PRR14L: variants seen among roughly 807,000 people sequenced by gnomAD.
The protein encoded by PRR14L is protein PRR14L.
PRR14L carries 80 observed loss-of-function variants against 155.0 expected under a neutral mutation model. That is an observed-to-expected ratio of 0.52 (90% CI 0.43 to 0.62). PRR14L has a LOEUF of 0.62. PRR14L is among the 20% of genes least tolerant of loss of function. PRR14L has a pLI of 0.00. For missense variants in PRR14L, 2,469 were observed against 2,548.0 expected (o/e 0.97, Z 0.67); for synonymous variants, 883 against 916.0 (o/e 0.96, Z 0.65).
rs373937383 is a variant in PRR14L, at chr22:31,685,240, A to G, written c.*287T>C. ...TGCTGCTTCCTCCTGTGGATGGCAGAGACTGAGGAGGTGGCTGGATGTCGT... is the reference window on the plus strand; with the variant it reads ...TGCTGCTTCCTCCTGTGGATGGCAGGGACTGAGGAGGTGGCTGGATGTCGT... On this transcript the variant is annotated 3_prime_UTR_variant, in exon 9 of 9. Coordinates refer to ENST00000327423, the MANE Select transcript of PRR14L (RefSeq NM_173566.3). 9.5e-6 allele frequency: 3 copies of G among 314,546 alleles called. No homozygotes were observed. The South Asian group carries it at 1.8e-4, about 19-fold the overall frequency. The allele number at this position is 314,546 out of a possible 1,614,324, so 19.5% of individuals were successfully genotyped here.
At chr22:31,689,380 C>T (rs1257206335) in intron 7 of PRR14L, among the ~76,000 whole-genome samples, 1 of 151,684 alleles carries the variant, frequency 6.6e-6, no homozygotes, top group East Asian at 1.9e-4. Flanking sequence ...CCCTAGGAGT[C>T]TCTGAGAGCT....
Position 31,714,789 on chromosome 22 carries a change from A to C in PRR14L, c.3050T>G (p.Val1017Gly). ...TAGTGAGTTATTACTGCCTGAGCTG[A>C]CCAGCAGATCCTTTTGGTTGTGGTT... ...EVNHNQKDLL[V>G]SSGSNNSLPC... Residue 1017 changes from valine to glycine, a missense_variant, in exon 4 of 9, where the codon GTC becomes GGC. Around this residue, in one of 2 missense-constraint regions of PRR14L, gnomAD observed 2,363 missense variants for 2,371.6 expected, o/e 1.00. Transcript: ENST00000327423. 6.4e-7 allele frequency: 1 copy of C among 1,552,290 alleles called. No homozygotes were observed. Among genetic ancestry groups the C allele is most frequent in the Non-Finnish European group, 8.7e-7 (1 of 1,147,136 alleles).
chr22:31,749,360 G>A (rs2074859026), intron 1 of PRR14L, among the ~76,000 whole-genome samples: 1 of 152,134 alleles, frequency 6.6e-6, no homozygotes. Flanking sequence ...GACATCACGA[G>A]GGGAGAGGGA....
chr22:31,694,014 C>T (rs572399608), intron 7 of PRR14L, among the ~76,000 whole-genome samples: 7 of 152,316 alleles, frequency 4.6e-5, no homozygotes, highest in South Asian at 4.1e-4. Context: ...CGGTGGCTCA[C>T]GCCTGTAGTC....
At chr22:31,747,509 G>A (rs2074845569) in intron 1 of PRR14L, among the ~76,000 whole-genome samples, 1 of 149,498 alleles carries the variant, frequency 6.7e-6, no homozygotes, top group Admixed American at 6.8e-5. Context: ...AGTGTGTTAA[G>A]TGAAAGTTAA....
At chr22:31,687,929 G>T (rs2074490726) in intron 8 of PRR14L, among the ~76,000 whole-genome samples, 1 of 151,444 alleles carries the variant, frequency 6.6e-6, no homozygotes, top group Non-Finnish European at 1.5e-5. Context: ...TACTCGGAGA[G>T]GCTGAGGCAG....
chr22:31,700,898 C>T (rs2074559655), intron 7 of PRR14L, among the ~76,000 whole-genome samples: 1 of 152,050 alleles, frequency 6.6e-6, no homozygotes, highest in Non-Finnish European at 1.5e-5. Flanking sequence ...TCATATTTTA[C>T]AGGGAAGCTC....
rs1258742285 is a variant in PRR14L, at chr22:31,738,605, C to T, written c.256G>A (p.Gly86Arg). Residue 86 changes from glycine (G) to arginine (R), a missense_variant, in exon 2 of 9, where the codon GGG becomes AGG. This residue lies in a region of PRR14L where 2,363 missense variants were observed against 2,371.6 expected (regional missense o/e 1.00). Transcript: ENST00000327423. ...AGCCCACATCGCCCAGGCTCACTCC[C>T]ATGATCCAAGGTCTCATAGGTTTCT... ...CEETYETLDH[G>R]SEPGRCGLVD... The T allele has an allele frequency of 7.7e-6, 12 of 1,552,070 alleles. No individual in the cohort carries two copies. The highest frequency in any genetic ancestry group is 1.2e-5 in the South Asian group (1 of 84,064).
At position 31,716,327 on chromosome 22, in the gene PRR14L, A is replaced by C. The variant is rs1163596842; in HGVS notation, c.1512T>G (p.Gly504=). ...AAAAACTGCTTTCTTCAGAGTGTCC[A>C]CCAGGATGGCTCATATTAGTAAAAG... ...KETFTNMSHP[G]GHSEESSFSS... is the part of the protein sequence containing the mutation. Residue 504 remains glycine, a synonymous_variant, in exon 4 of 9, where the codon GGT becomes GGG. Coordinates refer to ENST00000327423, the MANE Select transcript of PRR14L (RefSeq NM_173566.3). 1 of 1,551,668 alleles carries C rather than the reference A, an allele frequency of 6.4e-7. No individual in the cohort carries two copies.
chr22:31,714,387 G>A lies in PRR14L; in HGVS notation c.3452C>T (p.Ser1151Phe). ...KDCEMEKCPD[S>F]CAHEMESVAD... ...AACAGACTCCATCTCATGGGCACAAGAGTCTGGACACTTTTCCATTTCACA... is the reference window on the plus strand; with the variant it reads ...AACAGACTCCATCTCATGGGCACAAAAGTCTGGACACTTTTCCATTTCACA... Residue 1151 changes from serine to phenylalanine, a missense_variant, in exon 4 of 9, where the codon TCT becomes TTT. Physicochemically the swap from Ser to Phe is radical, Grantham distance 155. Transcript: ENST00000327423. 1 of 1,551,632 alleles carries A rather than the reference G, an allele frequency of 6.4e-7. No homozygotes were observed. The highest frequency in any genetic ancestry group is 8.7e-7 in the Non-Finnish European group (1 of 1,146,980).
intron 2 of PRR14L, among the ~76,000 whole-genome samples, chr22:31,727,087 T>C (rs1818758947): frequency 6.6e-6 from 1 of 152,196 alleles, no homozygotes; most frequent in Non-Finnish European, 1.5e-5. Context: ...GAAATCTTAG[T>C]GGATCCAGCC....
intron 2 of PRR14L, among the ~76,000 whole-genome samples, chr22:31,736,218 CAA>C (rs1212304644): frequency 1.4e-4 from 12 of 84,834 alleles, no homozygotes; most frequent in Admixed American, 2.6e-4. Flanking sequence ...GACTCCATCT[CAA>C]AAAAAAAAAA....
Position 31,738,911 on chromosome 22 carries a change from C to T in PRR14L, c.-51G>A. On this transcript the variant is annotated splice_region_variant and 5_prime_UTR_variant, in exon 2 of 9. Coordinates refer to ENST00000327423, the MANE Select transcript of PRR14L (RefSeq NM_173566.3). Reference sequence around the variant, plus strand: ...AAGTCTTTTACATCAAATGATTCACCCTGACACAAATCACAGGAAGGGATA... The same window carrying T: ...AAGTCTTTTACATCAAATGATTCACTCTGACACAAATCACAGGAAGGGATA... 1 of 1,255,868 alleles carries T rather than the reference C, an allele frequency of 8.0e-7. No individual in the cohort carries two copies. Among genetic ancestry groups the T allele is most frequent in the Non-Finnish European group, 1.1e-6 (1 of 911,954 alleles). 77.8% of individuals were successfully genotyped at this position (1,255,868 alleles called of 1,614,324 possible).
At position 31,712,825 on chromosome 22, in the gene PRR14L, G is replaced by A; in HGVS notation, c.5014C>T (p.Pro1672Ser). ...TCCCATCCACTAGCTGCCAAATATGGATTCAGCTGCTCTGTGCTGGATGAA... is the reference window on the plus strand; with the variant it reads ...TCCCATCCACTAGCTGCCAAATATGAATTCAGCTGCTCTGTGCTGGATGAA... ...GFSSSTEQLN[P>S]YLAASGWDKR... is the part of the protein sequence containing the mutation. The change falls in exon 4 of 9, where the codon CCA becomes TCA. Residue 1672 changes from proline (P) to serine (S), a missense_variant. By Grantham distance (74) the Pro-to-Ser change is moderately conservative. Around this residue, in one of 2 missense-constraint regions of PRR14L, gnomAD observed 2,363 missense variants for 2,371.6 expected, o/e 1.00. Coordinates refer to ENST00000327423, the MANE Select transcript of PRR14L (RefSeq NM_173566.3). 2 of 1,552,132 alleles carry A rather than the reference G, an allele frequency of 1.3e-6. No homozygotes were observed. Among genetic ancestry groups the A allele is most frequent in the Non-Finnish European group, 1.7e-6 (2 of 1,147,106 alleles).
intron 7 of PRR14L, among the ~76,000 whole-genome samples, chr22:31,700,232 TTCCTC>T (rs2074556060): frequency 6.6e-6 from 1 of 152,236 alleles, no homozygotes; most frequent in South Asian, 2.1e-4. Flanking sequence ...TTAAAACTCT[TTCCTC>T]TCCCAACTAC....
chr22:31,696,361 G>A (rs1283296068), intron 7 of PRR14L, among the ~76,000 whole-genome samples: 3 of 151,926 alleles, frequency 2.0e-5, no homozygotes, highest in African/African-American at 4.8e-5. Flanking sequence ...TGCTGGTCTC[G>A]AACTTCTGAC....
chr22:31,706,441 T>TTTTTTTTTTTTTTTTG, intron 4 of PRR14L, among the ~76,000 whole-genome samples: 1 of 151,570 alleles, frequency 6.6e-6, no homozygotes, highest in African/African-American at 2.4e-5. Flanking sequence ...TTTCTTTTTT[T>TTTTTTTTTTTTTTTTG]TGAGACGGAG....
At chr22:31,696,094 T>C (rs574082134) in intron 7 of PRR14L, among the ~76,000 whole-genome samples, 24 of 152,206 alleles carry the variant, frequency 1.6e-4, no homozygotes, top group African/African-American at 4.8e-4. Flanking sequence ...AACCCGGCTG[T>C]AGGAGAATCA....
At chr22:31,731,668 C>G (rs1315517113) in intron 2 of PRR14L, among the ~76,000 whole-genome samples, 1 of 149,484 alleles carries the variant, frequency 6.7e-6, no homozygotes, top group Admixed American at 6.7e-5. Flanking sequence ...ATTTATTTCT[C>G]TGAGAGAAAA....
Sources: gnomAD v4.1 joint callset for allele counts (sites outside exome capture counted in the v4.1 genomes callset) on GRCh38, gnomAD v4.1.1 for gene constraint, gnomAD v4.1.1 regional missense constraint, MANE v1.5 for transcripts, NCBI Gene and HGNC (gene_info 2026-07-23, HGNC 2026-07-21) for gene names.